DDX31: variants seen among roughly 807,000 people sequenced by gnomAD.
DDX31 encodes the protein ATP-dependent DNA helicase DDX31.
Under a neutral mutation model 91.3 loss-of-function variants are expected in DDX31, and 70 were observed. That is an observed-to-expected ratio of 0.77 (90% CI 0.63 to 0.94). The LOEUF (loss-of-function observed/expected upper bound fraction) is 0.94. Among genes scored for constraint, DDX31 ranks in the 40% least tolerant of loss-of-function variants. The pLI is 0.00. For missense variants in DDX31, 902 were observed against 925.0 expected, an observed-to-expected ratio of 0.98 and a Z score of 0.32; for synonymous variants, 362 against 350.6, an observed-to-expected ratio of 1.03 and a Z score of -0.36.
intron 17 of DDX31, among the ~76,000 whole-genome samples, chr9:132,624,366 G>A (rs1268959112): frequency 6.6e-6 from 1 of 152,102 alleles, no homozygotes; most frequent in African/African-American, 2.4e-5. Flanking sequence ...CTTGCTTAAA[G>A]TAACCTGATG....
intron 17 of DDX31, among the ~76,000 whole-genome samples, chr9:132,620,102 A>G (rs184775835): frequency 9.2e-5 from 14 of 152,216 alleles, no homozygotes; most frequent in African/African-American, 2.4e-4. Flanking sequence ...AAATCCCTCT[A>G]GAGTGTTAAA....
chr9:132,630,887 C>T (rs1564303752), intron 15 of DDX31, among the ~76,000 whole-genome samples: 1 of 152,210 alleles, frequency 6.6e-6, no homozygotes, highest in South Asian at 2.1e-4. Context: ...GGGTCTACCT[C>T]TGATGCCAGG....
chr9:132,643,278 C>T (rs974997152), intron 13 of DDX31, among the ~76,000 whole-genome samples: 10 of 152,274 alleles, frequency 6.6e-5, no homozygotes, highest in African/African-American at 1.4e-4. Flanking sequence ...GAGCCTGAAA[C>T]GGCGCATTCT....
chr9:132,668,201 G>A (rs1835438582), intron 1 of DDX31, among the ~76,000 whole-genome samples: 1 of 152,036 alleles, frequency 6.6e-6, no homozygotes, highest in Non-Finnish European at 1.5e-5. Flanking sequence ...CAGTCTTTCT[G>A]TCCTGTAGTC....
intron 14 of DDX31, among the ~76,000 whole-genome samples, chr9:132,639,948 T>C (rs553009369): frequency 7.1e-4 from 108 of 152,372 alleles, no homozygotes; most frequent in African/African-American, 2.5e-3. Flanking sequence ...TGAGCAAGTC[T>C]ATTAATCTCT....
At chr9:132,604,078 T>C (rs1830871881) in intron 19 of DDX31, among the ~76,000 whole-genome samples, 1 of 151,990 alleles carries the variant, frequency 6.6e-6, no homozygotes, top group South Asian at 2.1e-4. Flanking sequence ...AGAAGGAAGG[T>C]AAAGCAGTGG....
At chr9:132,661,328 A>C in intron 3 of DDX31, 77 bp from the exon 4 acceptor site, 1 of 1,218,834 alleles carries the variant, frequency 8.2e-7, no homozygotes. Context: ...AGAAAGGAGA[A>C]ACTATTGAGA....
In DDX31 at chr9:132,593,216, T is replaced by C. The variant is rs1395168343; in HGVS notation, c.*1650A>G. 1 of 152,188 alleles carries C rather than the reference T, an allele frequency of 6.6e-6. No homozygotes were observed. The highest frequency in any genetic ancestry group is 1.5e-5 in the Non-Finnish European group (1 of 68,036). The allele number at this position is 152,188 out of a possible 1,614,324, so 9.4% of individuals were successfully genotyped here. On this transcript the variant is annotated 3_prime_UTR_variant, in exon 20 of 20. Transcript: ENST00000372159. ...TTATCGTCACTCACACGTTGCATGA[T>C]TCTAGCACTTCTCTTTCCCCCCAGG...
Position 132,661,032 on chromosome 9 carries a change from C to T in DDX31, c.452+176G>A, listed in dbSNP as rs916898911. 4.8e-6 allele frequency: 3 copies of T among 629,488 alleles called. No individual in the cohort carries two copies. In the African/African-American group the frequency reaches 5.6e-5, roughly 12 times the overall value. The allele number at this position is 629,488 out of a possible 1,614,324, so 39.0% of individuals were successfully genotyped here. A position where few individuals can be genotyped will look rare whatever the true frequency, so the allele number is the denominator to read the frequency against. ...AGAACTGGATGGAAAGCCAGTCTTT[C>T]CATTTAACAGGTGGAGAGAATGAGT... is the stretch of plus-strand genomic sequence containing the variant. On this transcript the variant is annotated intron_variant, in intron 4 of 19. Transcript: ENST00000372159.
chr9:132,640,875 C>T (rs117511790), intron 14 of DDX31, among the ~76,000 whole-genome samples: 10 of 152,200 alleles, frequency 6.6e-5, no homozygotes, highest in Non-Finnish European at 1.5e-4. Flanking sequence ...ATAAAGATGG[C>T]TTTAGAACAA....
At chr9:132,650,349 T>G (rs1834110652) in intron 8 of DDX31, 51 bp from the exon 9 acceptor site, 2 of 1,551,304 alleles carry the variant, frequency 1.3e-6, no homozygotes, top group South Asian at 2.2e-5. Context: ...TTTACTAACA[T>G]CAGACATTGA....
intron 1 of DDX31, chr9:132,669,470 TAAAA>T (rs58679432): frequency 1.5e-6 from 1 of 669,478 alleles, no homozygotes; most frequent in Non-Finnish European, 2.1e-6. Context: ...GTGGGCAAGA[TAAAA>T]AAAAAAATCA....
At chr9:132,608,278 T>C (rs1831133914) in intron 19 of DDX31, among the ~76,000 whole-genome samples, 1 of 151,874 alleles carries the variant, frequency 6.6e-6, no homozygotes, top group African/African-American at 2.4e-5. Flanking sequence ...GTCAGAAGAG[T>C]TTTTGTGACT....
chr9:132,657,285 C>G (rs1252504844), intron 6 of DDX31, among the ~76,000 whole-genome samples: 1 of 152,186 alleles, frequency 6.6e-6, no homozygotes, highest in Admixed American at 6.5e-5. Context: ...TTCAGACTTA[C>G]AAAATTTTGC....
At chr9:132,624,979 A>G (rs955412018) in intron 17 of DDX31, among the ~76,000 whole-genome samples, 2 of 152,206 alleles carry the variant, frequency 1.3e-5, no homozygotes, top group Admixed American at 6.5e-5. Context: ...AAAATATTCA[A>G]GTGATTAATA....
intron 14 of DDX31, among the ~76,000 whole-genome samples, chr9:132,636,915 C>T (rs1187733589): frequency 2.6e-5 from 4 of 152,148 alleles, no homozygotes; most frequent in East Asian, 1.9e-4. Context: ...TCAGCTGCCC[C>T]GCCTATAAAA....
intron 1 of DDX31, among the ~76,000 whole-genome samples, chr9:132,666,122 T>C (rs1835291122): frequency 6.6e-6 from 1 of 152,232 alleles, no homozygotes. Flanking sequence ...AGTTTTTAAA[T>C]TCACACAACC....
intron 19 of DDX31, among the ~76,000 whole-genome samples, chr9:132,611,822 G>A (rs547804273): frequency 6.4e-4 from 97 of 152,102 alleles, no homozygotes; most frequent in South Asian, 6.1e-3. Flanking sequence ...TACACATCTC[G>A]GATGCTTTCC....
rs142735867 is a variant in DDX31, at chr9:132,655,836, C to T, written c.588+2835G>A. Among the ~76,000 whole-genome samples the T allele has an allele frequency of 2.9e-3, 449 of 152,250 alleles. 2 individuals carry two copies. Among genetic ancestry groups the T allele is most frequent in the African/African-American group, 9.9e-3 (413 of 41,540 alleles). ...CAAATTCAATTACAAGTATGGTTTT[C>T]GTGTTTTGCATAAGAAACATTTACC... On this transcript the variant is annotated intron_variant, in intron 6 of 19. Transcript: ENST00000372159.
Sources: allele counts gnomAD v4.1 joint callset (sites outside exome capture counted in the v4.1 genomes callset), GRCh38; gene constraint gnomAD v4.1.1; transcripts MANE v1.5; gene names NCBI Gene and HGNC (gene_info 2026-07-23, HGNC 2026-07-21).